The following ECT2 variants were observed in gnomAD, a reference collection of about 807,000 sequenced individuals.
The protein encoded by ECT2 is epithelial cell transforming 2.
A neutral mutation model predicts 116.9 loss-of-function variants in ECT2; 61 were observed. The observed-to-expected ratio is 0.52, with a 90% CI of 0.42 to 0.65. The LOEUF is 0.65. Among genes scored for constraint, ECT2 ranks in the 30% least tolerant of loss-of-function variants. The pLI, the probability that ECT2 is intolerant of heterozygous loss-of-function variation, is 0.00. For missense variants in ECT2, 937 were observed against 1,078.7 expected, an observed-to-expected ratio of 0.87 and a Z score of 1.84; for synonymous variants, 358 against 346.4, an observed-to-expected ratio of 1.03 and a Z score of -0.37.
Position 172,762,438 on chromosome 3 carries a change from G to T in ECT2, c.781G>T (p.Asp261Tyr). ...TAGGGATTTCTATGCAGCAGTTGAT[G>T]ACTTTAGAAATGAATTTAAAGTTCC... ...NEQDFYAAVD[D>Y]FRNEFKVPPF... Residue 261 changes from aspartate to tyrosine, a missense_variant, in exon 9 of 25, where the codon GAC becomes TAC. Asp to Tyr is a radical substitution (Grantham distance 160). Transcript: ENST00000392692. 6.3e-7 allele frequency: 1 copy of T among 1,593,764 alleles called. No individual in the cohort carries two copies. Among genetic ancestry groups the T allele is most frequent in the South Asian group, 1.1e-5 (1 of 87,442 alleles).
chr3:172,790,916 AG>A (rs1353384721), intron 18 of ECT2, among the ~76,000 whole-genome samples: 1 of 152,206 alleles, frequency 6.6e-6, no homozygotes, highest in African/African-American at 2.4e-5. Flanking sequence ...GCACTTTGGG[AG>A]GCCAAGGTGG....
chr3:172,781,244 T>G (rs1722642412), intron 14 of ECT2, among the ~76,000 whole-genome samples: 1 of 152,184 alleles, frequency 6.6e-6, no homozygotes, highest in South Asian at 2.1e-4. Context: ...AGTATTGTAG[T>G]TTTTTTACTG....
rs1027001941 is a variant in ECT2, at chr3:172,808,053, A to G, written c.2400+129A>G. The G allele has an allele frequency of 3.4e-6, 3 of 880,424 alleles. No homozygotes were observed. The African/African-American group carries it at 5.1e-5, about 15-fold the overall frequency. 54.5% of individuals were successfully genotyped at this position (880,424 alleles called of 1,614,324 possible). A position where few individuals can be genotyped will look rare whatever the true frequency, so the allele number is the denominator to read the frequency against. On this transcript the variant is annotated intron_variant, in intron 22 of 24. Transcript: ENST00000392692. The stretch of plus-strand genomic sequence containing the variant: ...TTTTAGTTTTGTGTATATTAAAAAA[A>G]CTGATGTAATAAGTTGTTTTAGAAA...
chr3:172,828,125 A>G, the ECT2 span, among the ~76,000 whole-genome samples: 2 of 152,366 alleles, frequency 1.3e-5, no homozygotes, highest in East Asian at 1.9e-4. Context: ...TACTTGTTAC[A>G]ATAGCATTAA....
chr3:172,772,079 C>T (rs934247760), intron 13 of ECT2, among the ~76,000 whole-genome samples: 11 of 152,090 alleles, frequency 7.2e-5, no homozygotes, highest in African/African-American at 2.7e-4. Context: ...TGGCTCACTG[C>T]AGCCTCTGCC....
the ECT2 span, chr3:172,829,051 G>A: frequency 1.3e-6 from 1 of 744,048 alleles, no homozygotes; most frequent in Non-Finnish European, 2.4e-6. Context: ...GCTGCTGTGG[G>A]AAGGCTGTTT....
chr3:172,784,138 A>AT (rs942506905), intron 16 of ECT2, among the ~76,000 whole-genome samples: 165 of 144,040 alleles, frequency 1.1e-3, no homozygotes, highest in South Asian at 3.0e-3. Flanking sequence ...ATATGTGGTC[A>AT]TTTTTTTTTT....
chr3:172,779,821 G>A (rs1722370251), intron 14 of ECT2, among the ~76,000 whole-genome samples: 2 of 151,770 alleles, frequency 1.3e-5, no homozygotes, highest in African/African-American at 4.8e-5. Flanking sequence ...AGGATTGCTT[G>A]AGCTTGGGTG....
At position 172,762,465 on chromosome 3, in the gene ECT2, C is replaced by T; in HGVS notation, c.808C>T (p.Pro270Ser). ...DDFRNEFKVP[P>S]FQDCILSFLG... is the part of the protein sequence containing the mutation. ...CTTTAGAAATGAATTTAAAGTTCCT[C>T]CATTTCAAGATTGTATTTTAAGTTT... Residue 270 changes from proline to serine, a missense_variant, in exon 9 of 25, where the codon CCA (proline) becomes TCA (serine). Pro to Ser is a moderately conservative substitution (Grantham distance 74). Coordinates refer to ENST00000392692, the MANE Select transcript of ECT2 (RefSeq NM_001258315.2). The T allele has an allele frequency of 1.9e-6, 3 of 1,597,988 alleles. No individual in the cohort carries two copies. The highest frequency in any genetic ancestry group is 1.4e-5 in the African/African-American group (1 of 73,772).
At chr3:172,779,560 AAC>A (rs1722327146) in intron 14 of ECT2, among the ~76,000 whole-genome samples, 2 of 152,310 alleles carry the variant, frequency 1.3e-5, no homozygotes, top group South Asian at 4.1e-4. Flanking sequence ...ATTATTTTTT[AAC>A]AGCTTTACTG....
chr3:172,828,902 C>T, the ECT2 span: 2 of 1,436,136 alleles, frequency 1.4e-6, no homozygotes, highest in Non-Finnish European at 1.9e-6. Context: ...GATCAAGCTG[C>T]CAAACACAAT....
chr3:172,771,290 A>T (rs1259078727), intron 13 of ECT2: 1 of 152,220 alleles, frequency 6.6e-6, no homozygotes, highest in African/African-American at 2.4e-5. Flanking sequence ...TATCACCAGC[A>T]TTTATAAAAA....
At chr3:172,771,469 T>C (rs1350583565) in intron 13 of ECT2, 2 of 152,164 alleles carry the variant, frequency 1.3e-5, no homozygotes, top group Non-Finnish European at 2.9e-5. Context: ...AGAAGTGTCT[T>C]TGAGACCGAG....
In ECT2 at chr3:172,805,798, C is replaced by G; in HGVS notation, c.2174C>G (p.Ala725Gly). The G allele has an allele frequency of 6.2e-7, 1 of 1,613,858 alleles. No individual in the cohort carries two copies. The change falls in exon 21 of 25, where the codon GCT becomes GGT. Residue 725 changes from alanine to glycine, a missense_variant. Transcript: ENST00000392692. The stretch of plus-strand genomic sequence containing the variant: ...CCTCATGGCCAAACCCGACCCCCAG[C>G]TTCTCTTAAGCATATTCACCTAATG... The part of the protein sequence containing the change: ...RSPHGQTRPP[A>G]SLKHIHLMPL...
intron 13 of ECT2, among the ~76,000 whole-genome samples, chr3:172,769,531 A>G (rs1423455792): frequency 6.6e-6 from 1 of 152,154 alleles, no homozygotes; most frequent in Non-Finnish European, 1.5e-5. Flanking sequence ...TATATATGTG[A>G]AAAACATCGC....
At chr3:172,781,418 G>A (rs1298768167) in intron 14 of ECT2, among the ~76,000 whole-genome samples, 1 of 152,128 alleles carries the variant, frequency 6.6e-6, no homozygotes, top group Non-Finnish European at 1.5e-5. Context: ...TAATCTCAGG[G>A]ATCCCACTGA....
intron 22 of ECT2, among the ~76,000 whole-genome samples, chr3:172,808,689 G>A (rs575736781): frequency 1.6e-4 from 25 of 152,134 alleles, no homozygotes; most frequent in Non-Finnish European, 2.9e-4. Context: ...AGATTGAAGA[G>A]AATATATGGA....
At chr3:172,810,938 G>A (rs970331308) in intron 22 of ECT2, among the ~76,000 whole-genome samples, 1 of 152,078 alleles carries the variant, frequency 6.6e-6, no homozygotes, top group Non-Finnish European at 1.5e-5. Context: ...GGAGTTGATT[G>A]AAAAACTCCT....
intron 24 of ECT2, among the ~76,000 whole-genome samples, chr3:172,819,314 A>G (rs536240995): frequency 1.5e-3 from 226 of 152,176 alleles, no homozygotes; most frequent in Non-Finnish European, 2.9e-3. Context: ...CCATTTATAT[A>G]TGTTAAAACA....
Sources: allele counts gnomAD v4.1 joint callset (sites outside exome capture counted in the v4.1 genomes callset), GRCh38; gene constraint gnomAD v4.1.1; transcripts MANE v1.5; gene names NCBI Gene and HGNC (gene_info 2026-07-23, HGNC 2026-07-21).